GRID1: variants seen among roughly 807,000 people sequenced by gnomAD.
The protein encoded by GRID1 is glutamate ionotropic receptor delta type subunit 1.
Under a neutral mutation model 98.0 loss-of-function variants are expected in GRID1, and 28 were observed. That is an observed-to-expected ratio of 0.29 (90% confidence interval 0.21 to 0.39). The LOEUF is 0.39. GRID1 is among the 10% of genes least tolerant of loss of function. The pLI is 1.00. For synonymous variants in GRID1, 553 were observed against 538.5 expected (o/e 1.03, Z -0.37); for missense variants, 1,111 against 1,340.5 (o/e 0.83, Z 2.67).
At chr10:86,127,214 C>T (rs533436225) in intron 4 of GRID1, among the ~76,000 whole-genome samples, 1 of 152,170 alleles carries the variant, frequency 6.6e-6, no homozygotes, top group South Asian at 2.1e-4. Context: ...TGTAGTCTGG[C>T]GGTGCTTCAG....
chr10:86,064,194 T>C lies in GRID1; in HGVS notation c.726+74625A>G, dbSNP rs146083528. 2.3e-4 allele frequency among the ~76,000 whole-genome samples: 35 copies of C among 152,370 alleles called. No homozygotes were observed. The East Asian group carries it at 3.9e-3, about 17-fold the overall frequency. On this transcript the variant is annotated intron_variant, in intron 4 of 15. Coordinates refer to ENST00000327946, the MANE Select transcript of GRID1 (RefSeq NM_017551.3). ...CCTACTTACATTAAAAATAATTTTATCAATGTTCACAAACATTTTTCCCAT... is the reference window on the plus strand; with the variant it reads ...CCTACTTACATTAAAAATAATTTTACCAATGTTCACAAACATTTTTCCCAT...
chr10:86,087,561 A>C (rs763021234), intron 4 of GRID1, among the ~76,000 whole-genome samples: 16 of 149,416 alleles, frequency 1.1e-4, no homozygotes, highest in Non-Finnish European at 2.1e-4. Context: ...TCCAGAGTGA[A>C]AACTGACAAG....
chr10:86,052,028 G>T (rs1023846460), intron 4 of GRID1, among the ~76,000 whole-genome samples: 2 of 152,138 alleles, frequency 1.3e-5, no homozygotes, highest in East Asian at 3.8e-4. Context: ...CACAAGAATG[G>T]GTGGAATCTA....
At chr10:85,694,979 A>G (rs540375897) in intron 12 of GRID1, among the ~76,000 whole-genome samples, 3 of 152,194 alleles carry the variant, frequency 2.0e-5, no homozygotes, top group African/African-American at 2.4e-5. Flanking sequence ...AATAATAACA[A>G]TAGAGGAAAG....
chr10:86,342,630 C>T (rs1848326344), intron 2 of GRID1, among the ~76,000 whole-genome samples: 1 of 152,218 alleles, frequency 6.6e-6, no homozygotes, highest in African/African-American at 2.4e-5. Context: ...ATCCAGAGAA[C>T]AGGAAGTTTG....
chr10:86,103,488 C>T (rs1188166902), intron 4 of GRID1, among the ~76,000 whole-genome samples: 2 of 152,208 alleles, frequency 1.3e-5, no homozygotes, highest in African/African-American at 4.8e-5. Flanking sequence ...GGCTCAACTG[C>T]ACCCCCAGGC....
At chr10:86,164,706 G>C (rs2131988847) in intron 3 of GRID1, among the ~76,000 whole-genome samples, 1 of 152,282 alleles carries the variant, frequency 6.6e-6, no homozygotes, top group East Asian at 1.9e-4. Flanking sequence ...AGAGGTGGGA[G>C]AGGGAACAAC....
At chr10:85,800,865 T>C (rs1842569498) in intron 8 of GRID1, among the ~76,000 whole-genome samples, 1 of 152,018 alleles carries the variant, frequency 6.6e-6, no homozygotes, top group African/African-American at 2.4e-5. Flanking sequence ...GTTTAAGTAA[T>C]TAACACAGAA....
At chr10:86,288,834 G>T (rs1847471284) in intron 2 of GRID1, among the ~76,000 whole-genome samples, 1 of 152,224 alleles carries the variant, frequency 6.6e-6, no homozygotes, top group African/African-American at 2.4e-5. Context: ...CATGAACACA[G>T]CAGGCAGCGC....
intron 8 of GRID1, among the ~76,000 whole-genome samples, chr10:85,729,873 G>T (rs1248542426): frequency 6.6e-6 from 1 of 152,214 alleles, no homozygotes; most frequent in Non-Finnish European, 1.5e-5. Context: ...GTGAGAACTT[G>T]TCTCTAGAAC....
chr10:85,865,914 T>TATATATATATATATATAC (rs1718627889), intron 6 of GRID1, among the ~76,000 whole-genome samples: 3 of 37,962 alleles, frequency 7.9e-5, no homozygotes, highest in African/African-American at 2.0e-4. Flanking sequence ...CATATATACA[T>TATATATATATATATATAC]ATATATATAT....
intron 4 of GRID1, among the ~76,000 whole-genome samples, chr10:86,061,490 G>A (rs1843648265): frequency 6.6e-6 from 1 of 152,138 alleles, no homozygotes; most frequent in Non-Finnish European, 1.5e-5. Context: ...TCTCCAATCT[G>A]TCCTGCTCAC....
chr10:86,171,083 T>C (rs1424567598), intron 3 of GRID1, among the ~76,000 whole-genome samples: 2 of 152,210 alleles, frequency 1.3e-5, no homozygotes, highest in Non-Finnish European at 2.9e-5. Context: ...CTCTCTACCC[T>C]ATACCAGTTA....
chr10:85,678,601 T>G (rs1841171572), intron 12 of GRID1, among the ~76,000 whole-genome samples: 1 of 152,168 alleles, frequency 6.6e-6, no homozygotes, highest in Admixed American at 6.5e-5. Flanking sequence ...CTCAACATTA[T>G]TTTCATTTTC....
chr10:85,658,451 G>T (rs1406917415), intron 12 of GRID1, among the ~76,000 whole-genome samples: 1 of 152,154 alleles, frequency 6.6e-6, no homozygotes, highest in Non-Finnish European at 1.5e-5. Context: ...GGAGATTAAG[G>T]AATTTATGGA....
At chr10:85,824,620 A>G (rs1842802507) in intron 8 of GRID1, among the ~76,000 whole-genome samples, 1 of 152,144 alleles carries the variant, frequency 6.6e-6, no homozygotes, top group Non-Finnish European at 1.5e-5. Context: ...TGTGAATCTC[A>G]GATTTTAGTG....
At chr10:86,105,708 C>T (rs185508204) in intron 4 of GRID1, among the ~76,000 whole-genome samples, 24 of 152,306 alleles carry the variant, frequency 1.6e-4, no homozygotes, top group Admixed American at 3.9e-4. Flanking sequence ...TGCCATCCCC[C>T]CTCTCCAGCA....
At chr10:85,715,381 T>C (rs138690174) in intron 12 of GRID1, among the ~76,000 whole-genome samples, 1 of 152,284 alleles carries the variant, frequency 6.6e-6, no homozygotes, top group Non-Finnish European at 1.5e-5. Context: ...TAAATGGGAC[T>C]GAATCAAATT....
intron 13 of GRID1, among the ~76,000 whole-genome samples, chr10:85,634,282 C>T (rs934352043): frequency 8.3e-5 from 12 of 143,812 alleles, no homozygotes; most frequent in African/African-American, 3.1e-4. Flanking sequence ...CTCTCTCTCT[C>T]TCTCTCTCTC....
Sources: gnomAD v4.1 joint callset for allele counts (sites outside exome capture counted in the v4.1 genomes callset) on GRCh38, gnomAD v4.1.1 for gene constraint, MANE v1.5 for transcripts, NCBI Gene and HGNC (gene_info 2026-07-23, HGNC 2026-07-21) for gene names.